Variants in CPPED1 observed in about 807,000 individuals in gnomAD.
CPPED1 encodes calcineurin like phosphoesterase domain containing 1.
In CPPED1, 28 loss-of-function variants were observed where a neutral mutation model predicts 28.0. The observed-to-expected ratio is 1.00, with a 90% CI of 0.74 to 1.37. The LOEUF (loss-of-function observed/expected upper bound fraction) is 1.37, where lower values mean the gene tolerates loss of function less well. Ranked by LOEUF, CPPED1 falls within the 40% of genes most tolerant of loss-of-function variation. The pLI, the probability that CPPED1 is intolerant of heterozygous loss-of-function variation, is 0.00. For synonymous variants in CPPED1, 198 were observed against 180.2 expected (o/e 1.10, Z -0.79); for missense variants, 504 against 416.5 (o/e 1.21, Z -1.83).
At chr16:12,688,559 G>C (rs896431386) in intron 3 of CPPED1, among the ~76,000 whole-genome samples, 2 of 152,058 alleles carry the variant, frequency 1.3e-5, no homozygotes, top group Non-Finnish European at 2.9e-5. Flanking sequence ...GGCTGGTCTC[G>C]AACTCCGACC....
intron 3 of CPPED1, among the ~76,000 whole-genome samples, chr16:12,688,662 T>A (rs1036435404): frequency 6.6e-6 from 1 of 152,080 alleles, no homozygotes; most frequent in Admixed American, 6.6e-5. Flanking sequence ...CTGCATTAAG[T>A]GTAATTCTCT....
intron 2 of CPPED1, chr16:12,760,474 T>C (rs1567299427): frequency 1.3e-5 from 2 of 152,308 alleles, no homozygotes; most frequent in African/African-American, 4.8e-5. Context: ...ATCCGGGGAC[T>C]GCTGTACTAC....
intron 1 of CPPED1, among the ~76,000 whole-genome samples, chr16:12,795,712 A>G (rs953440627): frequency 6.6e-6 from 1 of 152,224 alleles, no homozygotes; most frequent in African/African-American, 2.4e-5. Context: ...GGTACATGAG[A>G]GCAGTGGGTT....
chr16:12,719,960 C>T (rs2080130069), intron 2 of CPPED1, among the ~76,000 whole-genome samples: 1 of 151,972 alleles, frequency 6.6e-6, no homozygotes, highest in South Asian at 2.1e-4. Context: ...ATTTAAACAC[C>T]TATATAAATA....
intron 2 of CPPED1, among the ~76,000 whole-genome samples, chr16:12,747,759 G>C (rs972204231): frequency 6.6e-6 from 1 of 152,106 alleles, no homozygotes. Flanking sequence ...ACTCATTATT[G>C]TGATTGTAGT....
Position 12,664,630 on chromosome 16 carries a change from A to C in CPPED1, c.*256T>G. The stretch of plus-strand genomic sequence containing the variant: ...ACACAGCATTAGGAGAATTTATTCA[A>C]ACATCCATGCAGAGATAGTCTAATA... On this transcript the variant is annotated 3_prime_UTR_variant, in exon 4 of 4. Transcript: ENST00000381774. This position sits in a 1 kb window ranked among gnomAD's most constrained non-coding sequence, Gnocchi z 4.2. 7.8e-7 allele frequency: 1 copy of C among 1,280,542 alleles called. No homozygotes were observed. The highest frequency in any genetic ancestry group is 4.3e-5 in the Admixed American group (1 of 23,138). The allele number at this position is 1,280,542 out of a possible 1,614,324, so 79.3% of individuals were successfully genotyped here.
At chr16:12,799,884 T>C (rs377261100) in intron 1 of CPPED1, among the ~76,000 whole-genome samples, 14 of 152,324 alleles carry the variant, frequency 9.2e-5, no homozygotes, top group African/African-American at 2.4e-4. Flanking sequence ...GCCCCACTTC[T>C]AGATTTACTC....
chr16:12,669,358 C>A (rs2079842369), intron 3 of CPPED1, among the ~76,000 whole-genome samples: 1 of 152,052 alleles, frequency 6.6e-6, no homozygotes, highest in African/African-American at 2.4e-5. Flanking sequence ...CTGACAGGTG[C>A]AGGGTTTCTT....
intron 2 of CPPED1, among the ~76,000 whole-genome samples, chr16:12,739,722 G>A (rs1189614857): frequency 6.6e-6 from 1 of 152,152 alleles, no homozygotes; most frequent in Non-Finnish European, 1.5e-5. Context: ...GCAACAACAT[G>A]GTTCGCAGCC....
chr16:12,692,790 T>C (rs1025441569), intron 3 of CPPED1, among the ~76,000 whole-genome samples: 3 of 152,176 alleles, frequency 2.0e-5, no homozygotes, highest in African/African-American at 4.8e-5. Context: ...AGTGGCACCA[T>C]GGAGGAGTGA....
intron 3 of CPPED1, among the ~76,000 whole-genome samples, chr16:12,691,446 A>G (rs1001244967): frequency 6.6e-6 from 1 of 152,176 alleles, no homozygotes; most frequent in African/African-American, 2.4e-5. Context: ...AATTTGACCC[A>G]GCCGTCCCAT....
At chr16:12,734,631 G>A (rs925890083) in intron 2 of CPPED1, among the ~76,000 whole-genome samples, 11 of 152,208 alleles carry the variant, frequency 7.2e-5, no homozygotes, top group South Asian at 2.1e-4. Context: ...CGCCCACGTC[G>A]GCCTCCCAAA....
intron 1 of CPPED1, among the ~76,000 whole-genome samples, chr16:12,787,009 G>C (rs546006436): frequency 8.5e-5 from 13 of 152,146 alleles, no homozygotes; most frequent in Admixed American, 1.3e-4. Context: ...CCAAGTATGA[G>C]TATATAGCAC....
chr16:12,749,059 C>T (rs1237108772), intron 2 of CPPED1, among the ~76,000 whole-genome samples: 1 of 151,890 alleles, frequency 6.6e-6, no homozygotes, highest in African/African-American at 2.4e-5. Flanking sequence ...CTGATGAGGA[C>T]GCTAGCTGCT....
intron 3 of CPPED1, among the ~76,000 whole-genome samples, chr16:12,680,879 T>G (rs1171801782): frequency 1.3e-5 from 2 of 152,168 alleles, no homozygotes; most frequent in Admixed American, 1.3e-4. Context: ...GCATGTGACA[T>G]TAACACCTAT....
chr16:12,784,899 T>C (rs1567306050), intron 1 of CPPED1, among the ~76,000 whole-genome samples: 1 of 152,248 alleles, frequency 6.6e-6, no homozygotes, highest in Non-Finnish European at 1.5e-5. Context: ...TTATTACTTG[T>C]TTACTTACTA....
In CPPED1 at chr16:12,777,531, G is replaced by C. The variant is rs74590882; in HGVS notation, c.289+3654C>G. Among the ~76,000 whole-genome samples, 444 of 152,358 alleles carry C rather than the reference G, an allele frequency of 2.9e-3. 2 individuals carry two copies. Among genetic ancestry groups the C allele is most frequent in the African/African-American group, 0.01 (416 of 41,586 alleles). On this transcript the variant is annotated intron_variant, in intron 2 of 3. Transcript: ENST00000381774. Reference sequence around the variant, plus strand: ...TACTTACAATGTGGCTTACCCCATAGAGGAGCTTTATAATAGAATAAAATA... The same window carrying C: ...TACTTACAATGTGGCTTACCCCATACAGGAGCTTTATAATAGAATAAAATA...
chr16:12,718,218 G>A (rs2080117708), intron 2 of CPPED1, among the ~76,000 whole-genome samples: 1 of 152,158 alleles, frequency 6.6e-6, no homozygotes, highest in Non-Finnish European at 1.5e-5. Flanking sequence ...TTCTTGATGT[G>A]ATATCTATCA....
rs1326215185 is a variant in CPPED1, at chr16:12,670,118, G to A, written c.716-5003C>T. Among the ~76,000 whole-genome samples, 4 of 152,152 alleles carry A rather than the reference G, an allele frequency of 2.6e-5. No homozygotes were observed. The highest frequency in any genetic ancestry group is 1.3e-4 in the Admixed American group (2 of 15,274). On this transcript the variant is annotated intron_variant, in intron 3 of 3. Transcript: ENST00000381774. The surrounding 1 kb of genome is among the most constrained non-coding windows in gnomAD (Gnocchi z 4.2). ...GTTCGACCAGCCTGGGCAACACAGT[G>A]AGATCCCGTCTCTACAAAACATTAC... is the stretch of plus-strand genomic sequence containing the variant.
Sources: gnomAD v4.1 joint callset for allele counts (sites outside exome capture counted in the v4.1 genomes callset) on GRCh38, gnomAD v4.1.1 for gene constraint, Gnocchi (gnomAD v3.1) non-coding constraint, MANE v1.5 for transcripts, NCBI Gene and HGNC (gene_info 2026-07-23, HGNC 2026-07-21) for gene names.